The following SPATA17 variants were observed in gnomAD, a reference collection of about 807,000 sequenced individuals.
The protein encoded by SPATA17 is spermatogenesis-associated protein 17.
SPATA17 carries 53 observed loss-of-function variants against 62.2 expected under a neutral mutation model. The ratio of observed to expected loss-of-function variants is 0.85; its 90% confidence interval spans 0.68 to 1.07. The LOEUF is 1.07. Ranked by LOEUF, SPATA17 falls within the 50% of genes least tolerant of loss-of-function variation. The pLI is 0.00. For missense variants in SPATA17, 466 were observed against 425.5 expected (o/e 1.10, Z -0.84); for synonymous variants, 146 against 146.8 (o/e 0.99, Z 0.04).
chr1:217,825,507 T>C (rs1674979193), intron 9 of SPATA17, among the ~76,000 whole-genome samples: 2 of 151,968 alleles, frequency 1.3e-5, no homozygotes, highest in Non-Finnish European at 1.5e-5. Flanking sequence ...TTATCAATTT[T>C]ACTAAAGATT....
At chr1:217,693,173 G>C (rs1283416209) in intron 5 of SPATA17, among the ~76,000 whole-genome samples, 2 of 151,530 alleles carry the variant, frequency 1.3e-5, no homozygotes, top group East Asian at 3.9e-4. Context: ...TTCAGCTCCT[G>C]TTATTGGTCT....
chr1:217,774,237 ATTCTTT>A, intron 6 of SPATA17, 91 bp from the exon 7 acceptor site: 1 of 1,023,470 alleles, frequency 9.8e-7, no homozygotes, highest in Non-Finnish European at 1.4e-6. Flanking sequence ...AGTTTAAAAT[ATTCTTT>A]AAACATAAGA....
intron 6 of SPATA17, among the ~76,000 whole-genome samples, chr1:217,771,638 T>C (rs1422821996): frequency 1.3e-5 from 2 of 152,238 alleles, no homozygotes; most frequent in Non-Finnish European, 2.9e-5. Context: ...AATTAATTTC[T>C]AAAATACTGA....
chr1:217,687,398 C>G (rs1286464907), intron 5 of SPATA17, among the ~76,000 whole-genome samples: 2 of 151,950 alleles, frequency 1.3e-5, no homozygotes, highest in Non-Finnish European at 2.9e-5. Flanking sequence ...CAATTATTAC[C>G]TCAGGAAAAT....
rs1472481400 is a variant in SPATA17, at chr1:217,734,296, A to G, written c.396-7679A>G. Among the ~76,000 whole-genome samples, 10 of 152,364 alleles carry G rather than the reference A, an allele frequency of 6.6e-5. No homozygotes were observed. In the East Asian group the frequency reaches 1.9e-3, roughly 29 times the overall value. ...ATTGTTAGAGATGAAATGTAAATAC[A>G]TTCAATAAATTTAACTAAAACACTT... On this transcript the variant is annotated intron_variant, in intron 5 of 10. Coordinates refer to ENST00000366933, the MANE Select transcript of SPATA17 (RefSeq NM_138796.4).
intron 4 of SPATA17, among the ~76,000 whole-genome samples, chr1:217,681,369 T>C (rs959140151): frequency 6.6e-6 from 1 of 152,230 alleles, no homozygotes; most frequent in South Asian, 2.1e-4. Flanking sequence ...ATAATCTTCA[T>C]GTTTAATATC....
intron 5 of SPATA17, among the ~76,000 whole-genome samples, chr1:217,688,550 G>T (rs1007134878): frequency 6.6e-6 from 1 of 152,198 alleles, no homozygotes; most frequent in Non-Finnish European, 1.5e-5. Context: ...CACATAGGTC[G>T]ACAGCCCCAT....
intron 6 of SPATA17, among the ~76,000 whole-genome samples, chr1:217,771,543 A>G (rs1483466244): frequency 1.3e-5 from 2 of 152,334 alleles, no homozygotes; most frequent in South Asian, 4.1e-4. Context: ...TACTGCATCA[A>G]TATAAATAAA....
intron 5 of SPATA17, among the ~76,000 whole-genome samples, chr1:217,696,811 C>T (rs574754769): frequency 1.1e-4 from 17 of 152,052 alleles, no homozygotes; most frequent in Admixed American, 1.1e-3. Context: ...TGTCTATCTT[C>T]CTTAAGCTAT....
chr1:217,782,400 T>C, intron 8 of SPATA17, 78 bp downstream of exon 8: 7 of 1,403,508 alleles, frequency 5.0e-6, no homozygotes, highest in Non-Finnish European at 5.6e-6. Context: ...TTTCTAATAC[T>C]GTAAAAAATC....
rs1201136000 is a variant in SPATA17, at chr1:217,869,654, G to C, written c.*2635G>C. ...CTGAAACTTGGCATCTTATTGCTATGAAAAATCTTAAGATCTCTATTTTAA... is the reference window on the plus strand; with the variant it reads ...CTGAAACTTGGCATCTTATTGCTATCAAAAATCTTAAGATCTCTATTTTAA... On this transcript the variant is annotated 3_prime_UTR_variant, in exon 11 of 11. Coordinates refer to ENST00000366933, the MANE Select transcript of SPATA17 (RefSeq NM_138796.4). 1 of 152,064 alleles carries C rather than the reference G, an allele frequency of 6.6e-6. No individual in the cohort carries two copies. The highest frequency in any genetic ancestry group is 1.5e-5 in the Non-Finnish European group (1 of 68,022). 9.4% of individuals were successfully genotyped at this position (152,064 alleles called of 1,614,324 possible).
At position 217,742,035 on chromosome 1, in the gene SPATA17, A is replaced by G. The variant is rs781705961; in HGVS notation, c.456A>G (p.Glu152=). ...GAGAAGAGAAGAAGGCTAACCTCGA[A>G]AGGGAAGAGAAGAAAAGAGATTACC... is the stretch of plus-strand genomic sequence containing the variant. ...KEREEKKANL[E]REEKKRDYQA... The change falls in exon 6 of 11, where the codon GAA becomes GAG. Residue 152 remains glutamate (E), a synonymous_variant. Coordinates refer to ENST00000366933, the MANE Select transcript of SPATA17 (RefSeq NM_138796.4). 1.6e-5 allele frequency: 26 copies of G among 1,614,158 alleles called. 1 individual carries two copies. In the South Asian group the frequency reaches 2.9e-4, roughly 18 times the overall value.
chr1:217,838,692 C>T (rs1675317801), intron 9 of SPATA17, among the ~76,000 whole-genome samples: 1 of 152,114 alleles, frequency 6.6e-6, no homozygotes, highest in African/African-American at 2.4e-5. Context: ...GTCCCTTCCT[C>T]CCATCCCTTT....
At chr1:217,668,556 C>G (rs1259412022) in intron 3 of SPATA17, among the ~76,000 whole-genome samples, 4 of 152,138 alleles carry the variant, frequency 2.6e-5, no homozygotes, top group Admixed American at 2.6e-4. Context: ...CACAATTTTG[C>G]TCCATCACTG....
intron 1 of SPATA17, among the ~76,000 whole-genome samples, chr1:217,648,306 A>G (rs1670235093): frequency 6.6e-6 from 1 of 152,176 alleles, no homozygotes; most frequent in South Asian, 2.1e-4. Context: ...TATATTGTAC[A>G]TGTCTCACAT....
intron 3 of SPATA17, among the ~76,000 whole-genome samples, chr1:217,659,757 C>T (rs1313286851): frequency 2.0e-5 from 3 of 152,060 alleles, no homozygotes; most frequent in Non-Finnish European, 4.4e-5. Flanking sequence ...AACCAGAAAT[C>T]GAACCCTGAG....
At chr1:217,822,003 T>TAG (rs1674875299) in intron 9 of SPATA17, among the ~76,000 whole-genome samples, 1 of 152,072 alleles carries the variant, frequency 6.6e-6, no homozygotes, top group South Asian at 2.1e-4. Flanking sequence ...ATCTAAAGGA[T>TAG]AGAGAGAGAC....
At chr1:217,660,969 C>T (rs1239623861) in intron 3 of SPATA17, among the ~76,000 whole-genome samples, 2 of 152,082 alleles carry the variant, frequency 1.3e-5, no homozygotes, top group Non-Finnish European at 2.9e-5. Flanking sequence ...GTTAGGACAC[C>T]TCCATGTGGT....
chr1:217,696,100 C>G (rs931996736), intron 5 of SPATA17, among the ~76,000 whole-genome samples: 3 of 152,202 alleles, frequency 2.0e-5, no homozygotes, highest in Non-Finnish European at 4.4e-5. Flanking sequence ...GCCTTGCTGC[C>G]GCCTTGCAGT....
Sources: allele counts gnomAD v4.1 joint callset (sites outside exome capture counted in the v4.1 genomes callset), GRCh38; gene constraint gnomAD v4.1.1; transcripts MANE v1.5; gene names NCBI Gene and HGNC (gene_info 2026-07-23, HGNC 2026-07-21).